The following WDR93 variants were observed in gnomAD, a reference collection of about 807,000 sequenced individuals.
WDR93 encodes WD repeat-containing protein 93.
In WDR93, 73 loss-of-function variants were observed where a neutral mutation model predicts 82.9. That is an observed-to-expected ratio of 0.88 (90% CI 0.73 to 1.07). WDR93 has a LOEUF of 1.07. WDR93 is among the 50% of genes least tolerant of loss of function. WDR93 has a pLI of 0.00. For missense variants in WDR93, 738 were observed against 826.0 expected, an observed-to-expected ratio of 0.89 and a Z score of 1.31; for synonymous variants, 283 against 300.1, an observed-to-expected ratio of 0.94 and a Z score of 0.59.
intron 9 of WDR93, 122 bp from the exon 10 acceptor site, chr15:89,728,901 C>T (rs889969423): frequency 2.4e-6 from 2 of 847,084 alleles, no homozygotes; most frequent in African/African-American, 1.7e-5. Flanking sequence ...GCTTCATGGC[C>T]TTCTTACCCC....
chr15:89,691,057 T>A (rs1964849800), intron 1 of WDR93, among the ~76,000 whole-genome samples, 200 bp downstream of exon 1: 1 of 152,078 alleles, frequency 6.6e-6, no homozygotes, highest in Non-Finnish European at 1.5e-5. Context: ...CTCTCCAGCC[T>A]CAGAACTCCC....
In WDR93 at chr15:89,705,602, A is replaced by C; in HGVS notation, c.545A>C (p.Lys182Thr). Residue 182 changes from lysine (K) to threonine (T), a missense_variant, in exon 4 of 17, where the codon AAA (lysine) becomes ACA (threonine). By Grantham distance (78) the Lys-to-Thr change is moderately conservative. Transcript: ENST00000268130. ...YFYKEGLYLV[K>T]AINEVDDTSK... ...TATAAGGAAGGACTTTACCTAGTCAAAGCCATCAATGAAGTGGTGAGTTCC... is the reference window on the plus strand; with the variant it reads ...TATAAGGAAGGACTTTACCTAGTCACAGCCATCAATGAAGTGGTGAGTTCC... 6 of 1,567,830 alleles carry C rather than the reference A, an allele frequency of 3.8e-6. No individual in the cohort carries two copies. Among genetic ancestry groups the C allele is most frequent in the Non-Finnish European group, 5.3e-6 (6 of 1,137,706 alleles).
At chr15:89,723,921 G>A (rs781085882) in intron 8 of WDR93, among the ~76,000 whole-genome samples, 3 of 152,174 alleles carry the variant, frequency 2.0e-5, no homozygotes, top group East Asian at 1.9e-4. Context: ...CTTCAGGCCC[G>A]GTGCAGTGGC....
At chr15:89,724,185 T>C (rs1457312150) in intron 8 of WDR93, among the ~76,000 whole-genome samples, 2 of 137,932 alleles carry the variant, frequency 1.4e-5, no homozygotes, top group Non-Finnish European at 3.2e-5. Flanking sequence ...CAAAAAAAAA[T>C]ACAAAAATTA....
In WDR93 at chr15:89,735,552, T is replaced by C. The variant is rs779264255; in HGVS notation, c.1607T>C (p.Met536Thr). 1.2e-6 allele frequency: 2 copies of C among 1,614,124 alleles called. No individual in the cohort carries two copies. Among genetic ancestry groups the C allele is most frequent in the East Asian group, 4.5e-5 (2 of 44,876 alleles). Reference sequence around the variant, plus strand: ...GCCCCAGTCCCAGCCTTACCTGGCATGGTAGGTTCCCCATGCCTCTCTGTA... The same window carrying C: ...GCCCCAGTCCCAGCCTTACCTGGCACGGTAGGTTCCCCATGCCTCTCTGTA... ...AVAPVPALPG[M>T]VLIFSKNGSV... Residue 536 changes from methionine to threonine, a missense_variant and splice_region_variant, in exon 14 of 17, where the codon ATG (methionine) becomes ACG (threonine). Coordinates refer to ENST00000268130, the MANE Select transcript of WDR93 (RefSeq NM_020212.2).
chr15:89,738,520 G>A (rs1175571214), intron 16 of WDR93, among the ~76,000 whole-genome samples: 1 of 151,542 alleles, frequency 6.6e-6, no homozygotes, highest in Non-Finnish European at 1.5e-5. Flanking sequence ...CCAGCTACTC[G>A]GGAGGCTGAG....
At chr15:89,707,328 A>C (rs1965765137) in intron 4 of WDR93, among the ~76,000 whole-genome samples, 1 of 152,212 alleles carries the variant, frequency 6.6e-6, no homozygotes, top group South Asian at 2.1e-4. Flanking sequence ...AGGCAGGTGG[A>C]TCATTTAAGG....
At chr15:89,740,938 G>A (rs528229437) in intron 16 of WDR93, among the ~76,000 whole-genome samples, 307 of 152,192 alleles carry the variant, frequency 2.0e-3, no homozygotes, top group Middle Eastern at 6.8e-3. Flanking sequence ...CCAGGCGTTC[G>A]AGACCAGGCT....
Position 89,743,376 on chromosome 15 carries a change from G to A in WDR93, c.2046G>A (p.Glu682=). ...LQRYSLSLQR[E]NFKK ...GGTACTCCTTGTCGCTCCAGAGAGAGAACTTCAAGAAGTGAGGCTGCCACC... is the reference window on the plus strand; with the variant it reads ...GGTACTCCTTGTCGCTCCAGAGAGAAAACTTCAAGAAGTGAGGCTGCCACC... The change falls in exon 17 of 17, where the codon GAG becomes GAA. Residue 682 remains glutamate, a synonymous_variant. Coordinates refer to ENST00000268130, the MANE Select transcript of WDR93 (RefSeq NM_020212.2). The A allele has an allele frequency of 6.2e-7, 1 of 1,614,170 alleles. No individual in the cohort carries two copies. The highest frequency in any genetic ancestry group is 8.5e-7 in the Non-Finnish European group (1 of 1,180,020).
intron 12 of WDR93, among the ~76,000 whole-genome samples, chr15:89,732,535 G>T (rs552939699): frequency 6.6e-6 from 1 of 152,236 alleles, no homozygotes; most frequent in South Asian, 2.1e-4. Flanking sequence ...AAGGAAAGAA[G>T]AATGATGATG....
chr15:89,711,319 C>A (rs538895712), intron 4 of WDR93, among the ~76,000 whole-genome samples: 3 of 152,052 alleles, frequency 2.0e-5, no homozygotes, highest in African/African-American at 7.2e-5. Context: ...AAATAAATGG[C>A]AAACAGAAAA....
intron 1 of WDR93, among the ~76,000 whole-genome samples, chr15:89,696,284 C>A (rs1185446517): frequency 1.3e-5 from 2 of 152,194 alleles, no homozygotes; most frequent in Non-Finnish European, 2.9e-5. Flanking sequence ...CTTTGAGATT[C>A]ATCCATGTTG....
At chr15:89,712,396 C>CTTTTT (rs1170109589) in intron 5 of WDR93, among the ~76,000 whole-genome samples, 2,093 of 80,440 alleles carry the variant, frequency 0.026, 359 homozygotes, top group African/African-American at 0.11. Flanking sequence ...TTCCACTAAT[C>CTTTTT]TTTTTTTTTT....
intron 14 of WDR93, 94 bp from the exon 15 acceptor site, chr15:89,737,479 T>G: frequency 6.6e-7 from 1 of 1,506,706 alleles, no homozygotes; most frequent in Admixed American, 1.9e-5. Context: ...GTCCAGCTGC[T>G]TCTCTCATTC....
In WDR93 at chr15:89,729,743, T is replaced by G. The variant is rs766309377; in HGVS notation, c.1184T>G (p.Leu395Arg). 2.5e-6 allele frequency: 4 copies of G among 1,613,696 alleles called. No homozygotes were observed. The highest frequency in any genetic ancestry group is 3.4e-6 in the Non-Finnish European group (4 of 1,179,896). ...TRSHNFFLYS[L>R]NRTLKDKADP... ...AGTCACAATTTCTTCCTGTATTCAC[T>G]AAACCGAACTCTAAAGGATAAAGCT... The change falls in exon 11 of 17, where the codon CTA (leucine) becomes CGA (arginine). Residue 395 changes from leucine (L) to arginine (R), a missense_variant. Physicochemically the swap from Leu to Arg is moderately radical, Grantham distance 102. Coordinates refer to ENST00000268130, the MANE Select transcript of WDR93 (RefSeq NM_020212.2).
At chr15:89,710,108 T>C (rs1252761012) in intron 4 of WDR93, among the ~76,000 whole-genome samples, 1 of 152,126 alleles carries the variant, frequency 6.6e-6, no homozygotes, top group East Asian at 1.9e-4. Flanking sequence ...TGCAGTGAGC[T>C]GAGATCGCAC....
chr15:89,701,624 G>T, intron 1 of WDR93, 83 bp from the exon 2 acceptor site: 1 of 1,186,334 alleles, frequency 8.4e-7, no homozygotes, highest in East Asian at 2.3e-5. Context: ...GTCCCTATAG[G>T]CTATTGTGCT....
intron 2 of WDR93, 125 bp downstream of exon 2, chr15:89,702,174 A>G (rs1449949699): frequency 9.2e-7 from 1 of 1,089,836 alleles, no homozygotes; most frequent in East Asian, 2.6e-5. Context: ...CATTTTTGAA[A>G]GATTAGAAGC....
intron 11 of WDR93, among the ~76,000 whole-genome samples, chr15:89,730,916 G>A (rs531088512): frequency 1.3e-5 from 2 of 152,212 alleles, no homozygotes; most frequent in East Asian, 3.9e-4. Flanking sequence ...GCAGTCACAT[G>A]AGCAAGTTTG....
Sources: allele counts gnomAD v4.1 joint callset (sites outside exome capture counted in the v4.1 genomes callset), GRCh38; gene constraint gnomAD v4.1.1; transcripts MANE v1.5; gene names NCBI Gene and HGNC (gene_info 2026-07-23, HGNC 2026-07-21).